CLCN3: variants seen among roughly 807,000 people sequenced by gnomAD.
CLCN3 encodes the protein Cl-/H+ antiporter 3, also known as H(+)/Cl(-) exchange transporter 3.
Under a neutral mutation model 83.4 loss-of-function variants are expected in CLCN3, and 16 were observed. The observed-to-expected ratio is 0.19, with a 90% CI of 0.13 to 0.29. The LOEUF is 0.29. Ranked by LOEUF, CLCN3 falls within the 10% of genes least tolerant of loss-of-function variation. The pLI is 1.00. For missense variants in CLCN3, 544 were observed against 1,006.0 expected (o/e 0.54, Z 6.21); for synonymous variants, 322 against 346.2 (o/e 0.93, Z 0.78).
intron 11 of CLCN3, 23 bp from the exon 12 acceptor site, chr4:169,713,056 T>TG: frequency 6.3e-7 from 1 of 1,578,392 alleles, no homozygotes; most frequent in Non-Finnish European, 8.7e-7. Context: ...TTAAAAGTGT[T>TG]GGTCTCTTCT....
chr4:169,693,404 A>G (rs186437706), intron 7 of CLCN3, among the ~76,000 whole-genome samples: 4 of 152,296 alleles, frequency 2.6e-5, no homozygotes, highest in African/African-American at 7.2e-5. Flanking sequence ...TTGGATTTTA[A>G]TACTTAATTT....
At chr4:169,661,146 C>T (rs1246570362) in intron 2 of CLCN3, among the ~76,000 whole-genome samples, 1 of 152,128 alleles carries the variant, frequency 6.6e-6, no homozygotes, top group African/African-American at 2.4e-5. Flanking sequence ...CAGGCACTTC[C>T]TCAGTCTCCT....
intron 12 of CLCN3, 104 bp downstream of exon 12, chr4:169,713,399 G>T (rs372352658): frequency 1.2e-6 from 1 of 825,996 alleles, no homozygotes; most frequent in African/African-American, 1.7e-5. Context: ...GCTCCCAGGT[G>T]GGAAAGTCTG....
chr4:169,705,521 GTTTGT>G (rs556418153), intron 10 of CLCN3, among the ~76,000 whole-genome samples: 155 of 152,240 alleles, frequency 1.0e-3, no homozygotes, highest in African/African-American at 3.5e-3. Flanking sequence ...GATCTGCTAG[GTTTGT>G]TTTGAGGATT....
intron 9 of CLCN3, among the ~76,000 whole-genome samples, chr4:169,701,856 T>A (rs989655517): frequency 1.4e-4 from 22 of 152,284 alleles, no homozygotes; most frequent in African/African-American, 5.3e-4. Context: ...CCCTATTCCA[T>A]TGATTCTTCT....
rs778889859 is a variant in CLCN3 at position 169,620,737 on chromosome 4, A to G, written c.-343A>G. On this transcript the variant is annotated 5_prime_UTR_variant, in exon 1 of 13. Coordinates refer to ENST00000513761, the MANE Select transcript of CLCN3 (RefSeq NM_001829.4). ...CGAGTTAGAGCATGGATTCAGTTTT[A>G]GTCTTAAGGGGGAAGTGAGATTGGA... The G allele has an allele frequency of 6.8e-5, 27 of 398,480 alleles. No individual in the cohort carries two copies. The highest frequency in any genetic ancestry group is 1.1e-4 in the Non-Finnish European group (25 of 226,086). The allele number at this position is 398,480 out of a possible 1,614,324, so 24.7% of individuals were successfully genotyped here.
At chr4:169,712,225 G>T (rs1733248786) in intron 11 of CLCN3, among the ~76,000 whole-genome samples, 1 of 152,026 alleles carries the variant, frequency 6.6e-6, no homozygotes, top group Admixed American at 6.6e-5. Context: ...CTAACTCAAA[G>T]TAGAAACATA....
At chr4:169,703,664 CT>C (rs112073521) in intron 9 of CLCN3, among the ~76,000 whole-genome samples, 47 of 142,356 alleles carry the variant, frequency 3.3e-4, no homozygotes, top group Non-Finnish European at 3.8e-4. Flanking sequence ...GCATATTGTC[CT>C]TTTTTTTTTC....
intron 5 of CLCN3, among the ~76,000 whole-genome samples, chr4:169,689,940 A>C (rs1282897911): frequency 6.6e-6 from 1 of 152,130 alleles, no homozygotes; most frequent in Non-Finnish European, 1.5e-5. Context: ...TTGTAGGCAG[A>C]GATTGAAGTA....
intron 2 of CLCN3, among the ~76,000 whole-genome samples, chr4:169,640,659 A>G (rs1181995342): frequency 6.6e-6 from 1 of 152,184 alleles, no homozygotes; most frequent in African/African-American, 2.4e-5. Flanking sequence ...TGCAAGTAAC[A>G]GGAAGGGAGA....
chr4:169,667,788 C>CAG (rs1305534093), intron 2 of CLCN3, among the ~76,000 whole-genome samples: 8 of 151,286 alleles, frequency 5.3e-5, no homozygotes, highest in African/African-American at 1.9e-4. Context: ...CTCTGTCGCC[C>CAG]AGGTTGGAGT....
chr4:169,677,434 T>TG (rs1731723547), intron 2 of CLCN3, among the ~76,000 whole-genome samples: 1 of 152,232 alleles, frequency 6.6e-6, no homozygotes, highest in Non-Finnish European at 1.5e-5. Context: ...ATTGAGTTGT[T>TG]GCAACTGTGT....
At chr4:169,628,125 C>A (rs749381791) in intron 1 of CLCN3, among the ~76,000 whole-genome samples, 1 of 152,154 alleles carries the variant, frequency 6.6e-6, no homozygotes, top group Non-Finnish European at 1.5e-5. Flanking sequence ...AATAAAGGAA[C>A]CTCAACCTAT....
At chr4:169,623,115 C>A (rs1405997044) in intron 1 of CLCN3, among the ~76,000 whole-genome samples, 2 of 152,096 alleles carry the variant, frequency 1.3e-5, no homozygotes, top group Non-Finnish European at 2.9e-5. Context: ...TTGACTGGAA[C>A]CAAGTTAAAT....
intron 3 of CLCN3, among the ~76,000 whole-genome samples, chr4:169,681,309 A>G (rs1731928727): frequency 6.6e-6 from 1 of 152,238 alleles, no homozygotes; most frequent in Admixed American, 6.5e-5. Flanking sequence ...CAGCCTCCCA[A>G]AGTAGAAAAT....
chr4:169,716,288 A>T (rs1199227473), intron 12 of CLCN3, among the ~76,000 whole-genome samples: 1 of 152,170 alleles, frequency 6.6e-6, no homozygotes, highest in East Asian at 1.9e-4. Flanking sequence ...ATTACTGTGT[A>T]AAATTCTAAA....
intron 2 of CLCN3, among the ~76,000 whole-genome samples, chr4:169,639,848 G>C (rs1159395881): frequency 1.3e-5 from 2 of 152,194 alleles, no homozygotes; most frequent in Non-Finnish European, 2.9e-5. Flanking sequence ...GGTACTGATA[G>C]TGTTTTTTTG....
At chr4:169,652,697 T>C (rs1450243087) in intron 2 of CLCN3, among the ~76,000 whole-genome samples, 1 of 152,212 alleles carries the variant, frequency 6.6e-6, no homozygotes, top group Non-Finnish European at 1.5e-5. Context: ...TTTTCCCCAG[T>C]AGTGTTTCAG....
intron 12 of CLCN3, among the ~76,000 whole-genome samples, chr4:169,714,283 G>A (rs1355986134): frequency 6.7e-6 from 1 of 148,688 alleles, no homozygotes; most frequent in Non-Finnish European, 1.5e-5. Context: ...GCAGTTTTTT[G>A]TTGTTTTTTT....
Sources: gnomAD v4.1 joint callset for allele counts (sites outside exome capture counted in the v4.1 genomes callset) on GRCh38, gnomAD v4.1.1 for gene constraint, MANE v1.5 for transcripts, NCBI Gene and HGNC (gene_info 2026-07-23, HGNC 2026-07-21) for gene names.